SPATA16: variants seen among roughly 807,000 people sequenced by gnomAD.
SPATA16 encodes spermatogenesis associated 16, also known as spermatogenesis-associated protein 16.
Under a neutral mutation model 63.3 loss-of-function variants are expected in SPATA16, and 36 were observed. The observed-to-expected ratio is 0.57, with a 90% confidence interval of 0.44 to 0.75. The LOEUF (loss-of-function observed/expected upper bound fraction) is 0.75, where lower values mean the gene tolerates loss of function less well. Among genes scored for constraint, SPATA16 ranks in the 30% least tolerant of loss-of-function variants. SPATA16 has a pLI of 0.00. For synonymous variants in SPATA16, 203 were observed against 216.7 expected (o/e 0.94, Z 0.56); for missense variants, 646 against 679.3 (o/e 0.95, Z 0.54).
rs750772573 is a variant in SPATA16, at chr3:172,913,716, T to A, written c.1532A>T (p.Asp511Val). 34 of 1,613,692 alleles carry A rather than the reference T, an allele frequency of 2.1e-5. No individual in the cohort carries two copies. Among genetic ancestry groups the A allele is most frequent in the Admixed American group, 1.3e-4 (8 of 59,978 alleles). The part of the protein sequence containing the change: ...LLQSLMADAM[D>V]TLEGRRNNNE... ...ATTGTTTCTTCTTCCTTCAAGGGTG[T>A]CCATAGCATCTGCCATTAGTGACTG... The change falls in exon 10 of 11, where the codon GAC becomes GTC. Residue 511 changes from aspartate (D) to valine (V), a missense_variant. Physicochemically the swap from Asp to Val is radical, Grantham distance 152. Coordinates refer to ENST00000351008, the MANE Select transcript of SPATA16 (RefSeq NM_031955.6).
At chr3:172,937,448 A>G (rs542640956) in intron 6 of SPATA16, among the ~76,000 whole-genome samples, 140 of 152,324 alleles carry the variant, frequency 9.2e-4, no homozygotes, top group African/African-American at 3.2e-3. Context: ...TCCCTTGGCT[A>G]TTATTATCTG....
intron 3 of SPATA16, among the ~76,000 whole-genome samples, chr3:173,020,920 T>G (rs1735315856): frequency 6.6e-6 from 1 of 152,190 alleles, no homozygotes; most frequent in Non-Finnish European, 1.5e-5. Flanking sequence ...GTTCTTAACC[T>G]TTTTTTGAGA....
chr3:172,890,184 G>A (rs1731865209), intron 10 of SPATA16, among the ~76,000 whole-genome samples: 1 of 152,130 alleles, frequency 6.6e-6, no homozygotes, highest in African/African-American at 2.4e-5. Context: ...CAAGAATCAT[G>A]TCTCCTTTCA....
In SPATA16 at chr3:173,048,951, G is replaced by A; in HGVS notation, c.756C>T (p.His252=). ...CACTTATTAGTATATGATTTTACCT[G>A]TGTGCATGATTCAGGGCAAGATCTG... ...RKPDLALNHA[H]RSIVLNPAYF... is the part of the protein sequence containing the mutation. The change falls in exon 3 of 11, where the codon CAC becomes CAT. Residue 252 remains histidine (H), a splice_region_variant and synonymous_variant. Transcript: ENST00000351008. 1 of 1,613,702 alleles carries A rather than the reference G, an allele frequency of 6.2e-7. No homozygotes were observed. Among genetic ancestry groups the A allele is most frequent in the South Asian group, 1.1e-5 (1 of 91,074 alleles).
intron 6 of SPATA16, among the ~76,000 whole-genome samples, chr3:172,940,979 T>C (rs894900123): frequency 6.6e-6 from 1 of 151,852 alleles, no homozygotes; most frequent in Non-Finnish European, 1.5e-5. Context: ...AGAGACTCCA[T>C]CTCAAAAGAT....
intron 10 of SPATA16, among the ~76,000 whole-genome samples, chr3:172,900,126 A>G (rs1024927137): frequency 2.6e-5 from 4 of 152,134 alleles, no homozygotes; most frequent in South Asian, 2.1e-4. Flanking sequence ...TTTTCTGATG[A>G]TGAATTCTCT....
intron 2 of SPATA16, among the ~76,000 whole-genome samples, chr3:173,078,496 C>T (rs1193102308): frequency 6.6e-6 from 1 of 152,154 alleles, no homozygotes. Flanking sequence ...AAAGACTGAA[C>T]TGAATTGATT....
intron 10 of SPATA16, among the ~76,000 whole-genome samples, chr3:172,907,412 C>T (rs13325511): frequency 0.019 from 2,842 of 152,176 alleles, 97 homozygotes; most frequent in African/African-American, 0.066. Context: ...CTATTCTTGC[C>T]TTCTTCAATC....
intron 1 of SPATA16, among the ~76,000 whole-genome samples, chr3:173,136,175 G>A (rs1219741720): frequency 6.6e-6 from 1 of 152,112 alleles, no homozygotes; most frequent in East Asian, 1.9e-4. Flanking sequence ...TGATGTTAGC[G>A]GCTTGGAAAT....
At position 172,982,657 on chromosome 3, in the gene SPATA16, A is replaced by G. The variant is rs73175093; in HGVS notation, c.849-5605T>C. ...GTTCCTATAGAATGGCAAATGCACA[A>G]TAAAATAATGTGACATGTTATTATT... On this transcript the variant is annotated intron_variant, in intron 4 of 10. Coordinates refer to ENST00000351008, the MANE Select transcript of SPATA16 (RefSeq NM_031955.6). Among the ~76,000 whole-genome samples, 1,353 of 152,326 alleles carry G rather than the reference A, an allele frequency of 8.9e-3. 8 individuals carry two copies. The highest frequency in any genetic ancestry group is 0.012 in the Non-Finnish European group (839 of 68,026).
chr3:173,135,244 T>C (rs1471916307), intron 1 of SPATA16, among the ~76,000 whole-genome samples: 1 of 152,132 alleles, frequency 6.6e-6, no homozygotes, highest in African/African-American at 2.4e-5. Context: ...GAATGCAAAG[T>C]GAAACCACAG....
intron 2 of SPATA16, among the ~76,000 whole-genome samples, chr3:173,066,680 A>C (rs1577157117): frequency 6.6e-6 from 1 of 152,018 alleles, no homozygotes; most frequent in East Asian, 1.9e-4. Context: ...TTCATAAAAA[A>C]CCCTCTCAAG....
At chr3:172,938,880 G>A (rs1733077036) in intron 6 of SPATA16, among the ~76,000 whole-genome samples, 1 of 115,864 alleles carries the variant, frequency 8.6e-6, no homozygotes, top group South Asian at 2.9e-4. Context: ...CTCAGATAAA[G>A]GAGAACTGAG....
intron 4 of SPATA16, among the ~76,000 whole-genome samples, chr3:172,986,381 G>T (rs9868865): frequency 0.036 from 5,409 of 152,194 alleles, 331 homozygotes; most frequent in African/African-American, 0.12. Flanking sequence ...ATACTAAGAC[G>T]AGTCAGCCAT....
chr3:173,078,077 G>C (rs948242874), intron 2 of SPATA16, among the ~76,000 whole-genome samples: 13 of 152,132 alleles, frequency 8.5e-5, no homozygotes, highest in African/African-American at 3.1e-4. Context: ...GTGATGAATT[G>C]TGCTAAGCCC....
chr3:173,122,804 C>G (rs1249651266), intron 1 of SPATA16, among the ~76,000 whole-genome samples: 1 of 152,088 alleles, frequency 6.6e-6, no homozygotes, highest in Admixed American at 6.6e-5. Flanking sequence ...TTTACTAGAC[C>G]GTGAACTGCT....
Position 173,094,677 on chromosome 3 carries a change from G to T in SPATA16, c.612+22443C>A, listed in dbSNP as rs1056795920. Among the ~76,000 whole-genome samples the T allele has an allele frequency of 6.3e-3, 732 of 115,532 alleles. 5 individuals are homozygous for T. The highest frequency in any genetic ancestry group is 0.016 in the African/African-American group (506 of 31,662). The allele number at this position is 115,532 out of a possible 152,430, so 75.8% of individuals were successfully genotyped here. A position where few individuals can be genotyped will look rare whatever the true frequency, so the allele number is the denominator to read the frequency against. On this transcript the variant is annotated intron_variant, in intron 2 of 10. Transcript: ENST00000351008. ...ATGCAAATAAGGTGTTATGGGAGTT[G>T]TTTTTTTTTTTTTTTTTTGGCTTTT...
chr3:173,123,877 TACAG>T (rs1458468948), intron 1 of SPATA16, among the ~76,000 whole-genome samples: 1 of 152,146 alleles, frequency 6.6e-6, no homozygotes, highest in Non-Finnish European at 1.5e-5. Context: ...GTGCTGGGAT[TACAG>T]ACATAAGCCA....
intron 8 of SPATA16, among the ~76,000 whole-genome samples, chr3:172,921,183 A>AT (rs1220979667): frequency 2.0e-5 from 3 of 151,310 alleles, no homozygotes; most frequent in East Asian, 3.9e-4. Flanking sequence ...ATTACAGGCA[A>AT]TTTTTTCCTA....
Sources: gnomAD v4.1 joint callset for allele counts (sites outside exome capture counted in the v4.1 genomes callset) on GRCh38, gnomAD v4.1.1 for gene constraint, MANE v1.5 for transcripts, NCBI Gene and HGNC (gene_info 2026-07-23, HGNC 2026-07-21) for gene names.